The following NCEH1 variants were observed in gnomAD, a reference collection of about 807,000 sequenced individuals.
NCEH1 encodes 2-acetyl MAGE hydrolase.
A neutral mutation model predicts 25.4 loss-of-function variants in NCEH1; 9 were observed. The ratio of observed to expected loss-of-function variants is 0.35; its 90% confidence interval spans 0.21 to 0.62. The LOEUF is 0.62. Among genes scored for constraint, NCEH1 ranks in the 20% least tolerant of loss-of-function variants. The pLI, the probability that NCEH1 is intolerant of heterozygous loss-of-function variation, is 0.72. For missense variants in NCEH1, 412 were observed against 501.1 expected (o/e 0.82, Z 1.70); for synonymous variants, 200 against 199.8 (o/e 1.00, Z -0.01).
chr3:172,644,379 G>A lies in NCEH1; in HGVS notation c.437+1244C>T, dbSNP rs116234717. Among the ~76,000 whole-genome samples, 1,264 of 152,282 alleles carry A rather than the reference G, an allele frequency of 8.3e-3. 18 individuals carry two copies. Among genetic ancestry groups the A allele is most frequent in the African/African-American group, 0.029 (1,191 of 41,546 alleles). On this transcript the variant is annotated intron_variant, in intron 3 of 4. Coordinates refer to ENST00000475381, the MANE Select transcript of NCEH1 (RefSeq NM_020792.6). The stretch of plus-strand genomic sequence containing the variant: ...TCTGGAGTAGGAGCAAGGAGGTGGC[G>A]CACCATGAACAGGAGGATAGCTGAC...
intron 1 of NCEH1, among the ~76,000 whole-genome samples, chr3:172,649,149 T>C (rs576802822): frequency 6.6e-6 from 1 of 152,288 alleles, no homozygotes; most frequent in African/African-American, 2.4e-5. Context: ...GCTCATCGCC[T>C]CAGCCTCTGG....
At chr3:172,678,409 AAC>A (rs1712137438) in intron 1 of NCEH1, among the ~76,000 whole-genome samples, 1 of 152,112 alleles carries the variant, frequency 6.6e-6, no homozygotes, top group African/African-American at 2.4e-5. Flanking sequence ...AATCTGGGAA[AAC>A]ACACAATGGA....
intron 1 of NCEH1, among the ~76,000 whole-genome samples, chr3:172,701,128 G>A (rs1307543359): frequency 6.6e-6 from 1 of 152,092 alleles, no homozygotes; most frequent in Non-Finnish European, 1.5e-5. Context: ...CACCAGCCCA[G>A]CTCTGTCTCC....
chr3:172,670,049 A>G (rs1295232326), intron 1 of NCEH1, among the ~76,000 whole-genome samples: 2 of 152,252 alleles, frequency 1.3e-5, no homozygotes, highest in Admixed American at 6.5e-5. Context: ...TTTTGTTAAT[A>G]TTGTCTAAGA....
At chr3:172,638,276 C>CAAAAA (rs57018096) in intron 3 of NCEH1, among the ~76,000 whole-genome samples, 2 of 22,576 alleles carry the variant, frequency 8.9e-5, no homozygotes, top group African/African-American at 2.5e-4. Context: ...AGACTCTGTC[C>CAAAAA]AAAAAAAAAA....
At position 172,683,119 on chromosome 3, in the gene NCEH1, C is replaced by T. The variant is rs1250491887; in HGVS notation, c.138+27728G>A. 3.0e-5 allele frequency among the ~76,000 whole-genome samples: 4 copies of T among 131,324 alleles called. 2 individuals carry two copies. The highest frequency in any genetic ancestry group is 6.7e-5 in the Non-Finnish European group (4 of 59,626). 86.2% of individuals were successfully genotyped at this position (131,324 alleles called of 152,430 possible). A position where few individuals can be genotyped will look rare whatever the true frequency, so the allele number is the denominator to read the frequency against. ...AACCCAGTGCTTTAAGAAGCGGAGG[C>T]AGGGCCGGGCGCGGTGGCTCACGCC... On this transcript the variant is annotated intron_variant, in intron 1 of 4. Transcript: ENST00000475381.
intron 1 of NCEH1, among the ~76,000 whole-genome samples, chr3:172,679,590 G>A (rs925906073): frequency 6.6e-6 from 1 of 151,322 alleles, no homozygotes; most frequent in African/African-American, 2.4e-5. Flanking sequence ...TAATACAGGG[G>A]TTATTAACAC....
chr3:172,687,381 C>T (rs530882776), intron 1 of NCEH1, among the ~76,000 whole-genome samples: 1 of 152,276 alleles, frequency 6.6e-6, no homozygotes, highest in South Asian at 2.1e-4. Flanking sequence ...GGCTTATGTT[C>T]CTGATTATTT....
intron 1 of NCEH1, among the ~76,000 whole-genome samples, chr3:172,704,525 T>A (rs1713872770): frequency 6.6e-6 from 1 of 152,248 alleles, no homozygotes; most frequent in Non-Finnish European, 1.5e-5. Context: ...TGTAAGCTTC[T>A]CAAGTTTAGG....
chr3:172,698,535 T>C (rs757774114), intron 1 of NCEH1, among the ~76,000 whole-genome samples: 1 of 152,196 alleles, frequency 6.6e-6, no homozygotes, highest in Non-Finnish European at 1.5e-5. Flanking sequence ...GACAACATTA[T>C]GGGACAGGCA....
Position 172,633,081 on chromosome 3 carries a change from C to T in NCEH1, c.*394G>A, listed in dbSNP as rs1716436211. On this transcript the variant is annotated 3_prime_UTR_variant, in exon 5 of 5. Coordinates refer to ENST00000475381, the MANE Select transcript of NCEH1 (RefSeq NM_020792.6). The stretch of plus-strand genomic sequence containing the variant: ...TTAACTCTAGCAGAATTAAGGAGTC[C>T]TCGTTTTTTTAACTTATTAAAGGTC... The T allele has an allele frequency of 5.2e-6, 1 of 191,916 alleles. No homozygotes were observed. Among genetic ancestry groups the T allele is most frequent in the African/African-American group, 2.4e-5 (1 of 42,018 alleles). The allele number at this position is 191,916 out of a possible 1,614,324, so 11.9% of individuals were successfully genotyped here. A position where few individuals can be genotyped will look rare whatever the true frequency, so the allele number is the denominator to read the frequency against.
At chr3:172,642,679 A>C (rs917318367) in intron 3 of NCEH1, among the ~76,000 whole-genome samples, 2 of 152,002 alleles carry the variant, frequency 1.3e-5, no homozygotes, top group African/African-American at 4.8e-5. Flanking sequence ...TAAACGTGTA[A>C]GTTGTCCTTT....
chr3:172,697,106 TG>T (rs200677394), intron 1 of NCEH1, among the ~76,000 whole-genome samples: 349 of 149,494 alleles, frequency 2.3e-3, no homozygotes, highest in African/African-American at 5.3e-3. Context: ...TTTTTTTTTT[TG>T]AAGTATAGAT....
intron 1 of NCEH1, among the ~76,000 whole-genome samples, chr3:172,708,749 C>T (rs1714143575): frequency 6.6e-6 from 1 of 152,138 alleles, no homozygotes; most frequent in Non-Finnish European, 1.5e-5. Context: ...AAAAGGTAAG[C>T]ATTCTTATAG....
chr3:172,682,733 AC>A (rs761244033), intron 1 of NCEH1, among the ~76,000 whole-genome samples: 5 of 152,226 alleles, frequency 3.3e-5, no homozygotes, highest in Non-Finnish European at 7.3e-5. Flanking sequence ...GGAAAAACAA[AC>A]AAAATGTGTA....
At chr3:172,653,763 T>TTTTTG (rs1553830390) in intron 1 of NCEH1, among the ~76,000 whole-genome samples, 4,665 of 96,754 alleles carry the variant, frequency 0.048, 109 homozygotes, top group African/African-American at 0.11. Flanking sequence ...TTTTTTTGTT[T>TTTTTG]TTTTTTTTTT....
At chr3:172,637,408 A>AT (rs1716643518) in intron 3 of NCEH1, among the ~76,000 whole-genome samples, 1 of 152,128 alleles carries the variant, frequency 6.6e-6, no homozygotes, top group African/African-American at 2.4e-5. Context: ...TCACAAACTA[A>AT]TTTTTTCTAA....
At chr3:172,704,646 G>A (rs1713878358) in intron 1 of NCEH1, among the ~76,000 whole-genome samples, 1 of 152,234 alleles carries the variant, frequency 6.6e-6, no homozygotes, top group Non-Finnish European at 1.5e-5. Context: ...AAGAGAGCTT[G>A]TTAAAATTTC....
At position 172,631,921 on chromosome 3, in the gene NCEH1, C is replaced by T. The variant is rs1238765737; in HGVS notation, c.*1554G>A. 6.5e-6 allele frequency: 1 copy of T among 152,678 alleles called. No individual in the cohort carries two copies. The highest frequency in any genetic ancestry group is 2.4e-5 in the African/African-American group (1 of 41,450). 9.5% of individuals were successfully genotyped at this position (152,678 alleles called of 1,614,324 possible). ...CGGCAGGAAGGCAGGCAGAGATCCT[C>T]AACTCAAATCACAATTGGAGTGTCT... On this transcript the variant is annotated 3_prime_UTR_variant, in exon 5 of 5. Coordinates refer to ENST00000475381, the MANE Select transcript of NCEH1 (RefSeq NM_020792.6).
Sources: gnomAD v4.1 joint callset for allele counts (sites outside exome capture counted in the v4.1 genomes callset) on GRCh38, gnomAD v4.1.1 for gene constraint, MANE v1.5 for transcripts, NCBI Gene and HGNC (gene_info 2026-07-23, HGNC 2026-07-21) for gene names.